The following ANO10 variants were observed in gnomAD, a reference collection of about 807,000 sequenced individuals.
ANO10 encodes the protein anoctamin 10.
In ANO10, 77 loss-of-function variants were observed where a neutral mutation model predicts 74.7. The ratio of observed to expected loss-of-function variants is 1.03; its 90% CI spans 0.86 to 1.25. The LOEUF (loss-of-function observed/expected upper bound fraction) is 1.25, where lower values mean the gene tolerates loss of function less well. ANO10 is among the 50% of genes most tolerant of loss of function. The pLI is 0.00. For missense variants in ANO10, 721 were observed against 778.1 expected, an observed-to-expected ratio of 0.93 and a Z score of 0.87; for synonymous variants, 279 against 284.9, an observed-to-expected ratio of 0.98 and a Z score of 0.21.
At chr3:43,392,870 C>G (rs773887759) in intron 12 of ANO10, among the ~76,000 whole-genome samples, 3 of 152,210 alleles carry the variant, frequency 2.0e-5, no homozygotes, top group Non-Finnish European at 2.9e-5. Context: ...TATTCATCCA[C>G]TAAAATAGCT....
chr3:43,573,241 C>A (rs1309901025), intron 7 of ANO10, among the ~76,000 whole-genome samples: 1 of 152,112 alleles, frequency 6.6e-6, no homozygotes, highest in Non-Finnish European at 1.5e-5. Context: ...TAAGTATCAG[C>A]CATTTCACGG....
chr3:43,560,678 T>C (rs935909073), intron 9 of ANO10, among the ~76,000 whole-genome samples: 5 of 152,228 alleles, frequency 3.3e-5, no homozygotes, highest in African/African-American at 1.2e-4. Flanking sequence ...CTTTCAAATA[T>C]TAAAAGTGTA....
intron 1 of ANO10, among the ~76,000 whole-genome samples, chr3:43,667,093 T>G (rs2084001755): frequency 7.2e-6 from 1 of 138,070 alleles, no homozygotes; most frequent in Admixed American, 7.3e-5. Flanking sequence ...TTTTTTTTTT[T>G]TTTTTGTCTT....
At chr3:43,577,874 CAGA>C (rs1366696239) in intron 5 of ANO10, among the ~76,000 whole-genome samples, 4 of 152,146 alleles carry the variant, frequency 2.6e-5, no homozygotes, top group African/African-American at 7.2e-5. Context: ...ATGCACTGGG[CAGA>C]AGAAGGTCCA....
intron 12 of ANO10, among the ~76,000 whole-genome samples, chr3:43,417,530 TTTTCC>T (rs977087902): frequency 1.3e-5 from 2 of 152,160 alleles, no homozygotes; most frequent in Non-Finnish European, 2.9e-5. Context: ...GAGAGAGCTG[TTTTCC>T]TTTCTTTTTT....
At chr3:43,409,812 A>T (rs1211088532) in intron 12 of ANO10, among the ~76,000 whole-genome samples, 1 of 152,242 alleles carries the variant, frequency 6.6e-6, no homozygotes, top group East Asian at 1.9e-4. Context: ...ATGTTGTGTT[A>T]ACAAAATATA....
At chr3:43,618,155 C>G (rs977386170) in intron 1 of ANO10, 1 of 152,268 alleles carries the variant, frequency 6.6e-6, no homozygotes, top group African/African-American at 2.4e-5. Context: ...CCCATCCTTA[C>G]TATAACAGTT....
chr3:43,558,247 T>A (rs2079855992), intron 9 of ANO10, among the ~76,000 whole-genome samples: 1 of 152,226 alleles, frequency 6.6e-6, no homozygotes, highest in South Asian at 2.1e-4. Context: ...CTTTTTACAT[T>A]TCTGGCAAAC....
chr3:43,481,614 G>T (rs1395853846), intron 11 of ANO10, among the ~76,000 whole-genome samples: 1 of 152,150 alleles, frequency 6.6e-6, no homozygotes, highest in African/African-American at 2.4e-5. Context: ...AGAAATGATA[G>T]GAAACATTTA....
intron 1 of ANO10, among the ~76,000 whole-genome samples, chr3:43,680,877 C>T (rs2084187007): frequency 6.6e-6 from 1 of 152,152 alleles, no homozygotes; most frequent in South Asian, 2.1e-4. Flanking sequence ...CAAGCAAATG[C>T]TGAGAGATTT....
chr3:43,543,580 G>T (rs939205688), intron 11 of ANO10, among the ~76,000 whole-genome samples: 3 of 152,078 alleles, frequency 2.0e-5, no homozygotes, highest in Non-Finnish European at 1.5e-5. Flanking sequence ...AGTAGAGACG[G>T]GGTTTCACCG....
chr3:43,498,380 GAGGGAAGAACTGTGTAGT>G (rs1367591862), intron 11 of ANO10, among the ~76,000 whole-genome samples: 2 of 152,226 alleles, frequency 1.3e-5, no homozygotes, highest in African/African-American at 4.8e-5. Context: ...CCAGCTGATT[GAGGGAAGAACTGTGTAGT>G]AGGGCAGATG....
intron 11 of ANO10, among the ~76,000 whole-genome samples, chr3:43,482,957 A>G (rs1049113989): frequency 2.0e-5 from 3 of 152,238 alleles, no homozygotes; most frequent in Non-Finnish European, 2.9e-5. Context: ...GGAGAAACTC[A>G]TAATGGGTAG....
rs1205050054 is a variant in ANO10 at position 43,518,412 on chromosome 3, G to A, written c.1797+31308C>T. On this transcript the variant is annotated intron_variant, in intron 11 of 12. Coordinates refer to ENST00000292246, the MANE Select transcript of ANO10 (RefSeq NM_018075.5). ...CGCCTCAGGATCCTGTGATGATTGCGTTATCTGCACAAATTGTTTGTAGAG... is the reference window on the plus strand; with the variant it reads ...CGCCTCAGGATCCTGTGATGATTGCATTATCTGCACAAATTGTTTGTAGAG... Among the ~76,000 whole-genome samples the A allele has an allele frequency of 3.9e-5, 6 of 152,152 alleles. No individual in the cohort carries two copies. The East Asian group carries it at 7.7e-4, about 20-fold the overall frequency.
At chr3:43,580,270 C>G in intron 5 of ANO10, 83 bp downstream of exon 5, 1 of 1,583,330 alleles carries the variant, frequency 6.3e-7, no homozygotes, top group Non-Finnish European at 8.6e-7. Flanking sequence ...AATATCTGCC[C>G]AAGGGAGCTG....
At chr3:43,551,456 T>G (rs1194900175) in intron 10 of ANO10, 1 of 456,444 alleles carries the variant, frequency 2.2e-6, no homozygotes, top group East Asian at 6.9e-5. Context: ...CATTACCTTT[T>G]GATAGGTGTA....
rs182244758 is a variant in ANO10, at chr3:43,582,442, G to C, written c.473-1970C>G. Among the ~76,000 whole-genome samples, 578 of 151,138 alleles carry C rather than the reference G, an allele frequency of 3.8e-3. 1 individual carries two copies. The highest frequency in any genetic ancestry group is 0.013 in the African/African-American group (541 of 41,168). On this transcript the variant is annotated intron_variant, in intron 4 of 12. Coordinates refer to ENST00000292246, the MANE Select transcript of ANO10 (RefSeq NM_018075.5). The stretch of plus-strand genomic sequence containing the variant: ...AGCCTGGGTGACAGAGCGAGACTCC[G>C]TCTCAAAAAAAAAAAGAAACACAAA...
intron 11 of ANO10, among the ~76,000 whole-genome samples, chr3:43,521,435 C>A (rs150182267): frequency 1.2e-4 from 19 of 152,276 alleles, no homozygotes; most frequent in African/African-American, 4.6e-4. Context: ...GAACCCCAAT[C>A]TCTTACTTCT....
upstream of ANO10, among the ~76,000 whole-genome samples, chr3:43,623,130 T>C (rs1327989162): frequency 2.6e-5 from 4 of 152,106 alleles, no homozygotes; most frequent in East Asian, 3.9e-4. Flanking sequence ...TTTCCCAAAG[T>C]GCTGGGATTA....
Sources: gnomAD v4.1 joint callset for allele counts (sites outside exome capture counted in the v4.1 genomes callset) on GRCh38, gnomAD v4.1.1 for gene constraint, MANE v1.5 for transcripts, NCBI Gene and HGNC (gene_info 2026-07-23, HGNC 2026-07-21) for gene names.